The following OCSTAMP variants were observed in gnomAD, a reference collection of about 807,000 sequenced individuals.
The protein encoded by OCSTAMP is osteoclast stimulatory transmembrane protein.
In OCSTAMP, 17 loss-of-function variants were observed where a neutral mutation model predicts 25.2. The ratio of observed to expected loss-of-function variants is 0.68; its 90% CI spans 0.46 to 1.01. The LOEUF (loss-of-function observed/expected upper bound fraction) is 1.01, where lower values mean the gene tolerates loss of function less well. Ranked by LOEUF, OCSTAMP falls within the 50% of genes least tolerant of loss-of-function variation. The pLI is 0.00. For synonymous variants in OCSTAMP, 345 were observed against 318.9 expected, an observed-to-expected ratio of 1.08 and a Z score of -0.87; for missense variants, 664 against 694.6, an observed-to-expected ratio of 0.96 and a Z score of 0.50.
chr20:46,546,870 T>C (rs1483866749), intron 1 of OCSTAMP, among the ~76,000 whole-genome samples: 1 of 152,178 alleles, frequency 6.6e-6, no homozygotes, highest in East Asian at 1.9e-4. Flanking sequence ...CTATCATCCT[T>C]ATATTTATTC....
intron 2 of OCSTAMP, 88 bp downstream of exon 2, chr20:46,545,239 A>G: frequency 7.4e-7 from 1 of 1,359,486 alleles, no homozygotes. Flanking sequence ...GAGGCAAGTC[A>G]AATTTCATCA....
intron 1 of OCSTAMP, among the ~76,000 whole-genome samples, chr20:46,549,171 A>G (rs202372): frequency 0.1 from 15,327 of 152,194 alleles, 1,126 homozygotes; most frequent in East Asian, 0.27. Context: ...AGTCCTGACT[A>G]ATACAGAAAC....
In OCSTAMP at chr20:46,541,101, T is replaced by C. The variant is rs2146050274; in HGVS notation, c.*173A>G. On this transcript the variant is annotated 3_prime_UTR_variant, in exon 3 of 3. Coordinates refer to ENST00000279028, the MANE Select transcript of OCSTAMP (RefSeq NM_080721.3). ...TACTATAAATGAGTTTAGAGGATTT[T>C]GAGGCATATAAATAAGTTCCAGGAG... 1 of 590,394 alleles carries C rather than the reference T, an allele frequency of 1.7e-6. No homozygotes were observed. The highest frequency in any genetic ancestry group is 2.8e-5 in the East Asian group (1 of 36,180). 36.6% of individuals were successfully genotyped at this position (590,394 alleles called of 1,614,324 possible). A position where few individuals can be genotyped will look rare whatever the true frequency, so the allele number is the denominator to read the frequency against.
At chr20:46,545,259 G>T in intron 2 of OCSTAMP, 68 bp downstream of exon 2, 1 of 1,395,194 alleles carries the variant, frequency 7.2e-7, no homozygotes, top group Non-Finnish European at 9.4e-7. Flanking sequence ...ACAAGTCAAG[G>T]GTTTAACAGA....
In OCSTAMP at chr20:46,545,734, G is replaced by A. The variant is rs1189228290; in HGVS notation, c.640C>T (p.Leu214=). ...TQQVLEDFSG[L]ESLARAAALG... is the part of the protein sequence containing the mutation. ...GCTGCTGCCCGGGCCAGGGACTCCA[G>A]GCCAGAGAAATCCTCCAGGACCTGC... is the stretch of plus-strand genomic sequence containing the variant. Residue 214 remains leucine (L), a synonymous_variant, in exon 2 of 3, where the codon CTG becomes TTG. Transcript: ENST00000279028. 59 of 1,551,508 alleles carry A rather than the reference G, an allele frequency of 3.8e-5. No individual in the cohort carries two copies. The highest frequency in any genetic ancestry group is 5.1e-5 in the Non-Finnish European group (58 of 1,146,998).
Position 46,541,271 on chromosome 20 carries a change from C to G in OCSTAMP, c.*3G>C, listed in dbSNP as rs1182553101. 6.9e-6 allele frequency: 5 copies of G among 719,802 alleles called. No homozygotes were observed. The highest frequency in any genetic ancestry group is 1.0e-5 in the Non-Finnish European group (4 of 386,524). 44.6% of individuals were successfully genotyped at this position (719,802 alleles called of 1,614,324 possible). A position where few individuals can be genotyped will look rare whatever the true frequency, so the allele number is the denominator to read the frequency against. ...TCTTCGCCTTTGCATGGTTCTTTAC[C>G]GGTTATCCAGGCCTATCATGCCCAG... On this transcript the variant is annotated 3_prime_UTR_variant, in exon 3 of 3. Transcript: ENST00000279028.
intron 2 of OCSTAMP, among the ~76,000 whole-genome samples, chr20:46,543,734 T>G (rs2061842787): frequency 6.6e-6 from 1 of 152,234 alleles, no homozygotes; most frequent in Non-Finnish European, 1.5e-5. Flanking sequence ...ATAAAAATTC[T>G]AAATGATAAG....
Position 46,545,988 on chromosome 20 carries a change from G to A in OCSTAMP, c.386C>T (p.Thr129Ile), listed in dbSNP as rs2061850872. The part of the protein sequence containing the change: ...RRLLLSYSTA[T>I]LAIAVVPNVL... Reference sequence around the variant, plus strand: ...GTTGGGCACCACAGCAATGGCCAGGGTGGCAGTGCTGTAGGACAGGAGCAG... The same window carrying A: ...GTTGGGCACCACAGCAATGGCCAGGATGGCAGTGCTGTAGGACAGGAGCAG... The change falls in exon 2 of 3, where the codon ACC becomes ATC. Residue 129 changes from threonine (T) to isoleucine (I), a missense_variant. Thr to Ile is a moderately conservative substitution (Grantham distance 89). Coordinates refer to ENST00000279028, the MANE Select transcript of OCSTAMP (RefSeq NM_080721.3). 1 of 1,551,402 alleles carries A rather than the reference G, an allele frequency of 6.4e-7. No individual in the cohort carries two copies. The highest frequency in any genetic ancestry group is 8.7e-7 in the Non-Finnish European group (1 of 1,146,996).
rs41283036 is a variant in OCSTAMP, at chr20:46,541,318, C to T, written c.1657G>A (p.Val553Met). Reference protein sequence around the residue: ...IDVTYFPRRDVVRMEGNTGHD... With the variant: ...IDVTYFPRRDMVRMEGNTGHD... ...CCAGTATTTCCTTCCATCCTGACCA[C>T]ATCCCTGCGTGGGAAGTAGGTCACA... Residue 553 changes from valine (V) to methionine (M), a missense_variant, in exon 3 of 3, where the codon GTG (valine) becomes ATG (methionine). By Grantham distance (21) the Val-to-Met change is conservative. Transcript: ENST00000279028. 4,043 of 735,696 alleles carry T rather than the reference C, an allele frequency of 5.5e-3. 30 individuals are homozygous for T. The highest frequency in any genetic ancestry group is 0.017 in the South Asian group (1,179 of 67,912). The allele number at this position is 735,696 out of a possible 1,614,324, so 45.6% of individuals were successfully genotyped here. A position where few individuals can be genotyped will look rare whatever the true frequency, so the allele number is the denominator to read the frequency against.
At position 46,545,594 on chromosome 20, in the gene OCSTAMP, A is replaced by G. The variant is rs894931221; in HGVS notation, c.780T>C (p.Thr260=). 1 of 1,551,532 alleles carries G rather than the reference A, an allele frequency of 6.4e-7. No individual in the cohort carries two copies. Among genetic ancestry groups the G allele is most frequent in the Admixed American group, 2.0e-5 (1 of 50,978 alleles). The change falls in exon 2 of 3, where the codon ACT becomes ACC. Residue 260 remains threonine (T), a synonymous_variant. Transcript: ENST00000279028. Reference sequence around the variant, plus strand: ...GTGCCAACCGCTGGGTCAGCTGTTGAGTGGCGTAGATATTGTCAAACCGCA... The same window carrying G: ...GTGCCAACCGCTGGGTCAGCTGTTGGGTGGCGTAGATATTGTCAAACCGCA... ...TDLRFDNIYA[T]QQLTQRLAQA...
rs745465468 is a variant in OCSTAMP at position 46,545,849 on chromosome 20, G to A, written c.525C>T (p.Gly175=). 53 of 1,551,188 alleles carry A rather than the reference G, an allele frequency of 3.4e-5. No homozygotes were observed. The African/African-American group carries it at 5.9e-4, about 17-fold the overall frequency. The change falls in exon 2 of 3, where the codon GGC becomes GGT. Residue 175 remains glycine (G), a synonymous_variant. Transcript: ENST00000279028. ...HQLHAASRAL[G]PTGQAGSRGL... ...CCCGGCTGCCTGCCTGGCCTGTGGG[G>A]CCCAGAGCCCTGGATGCTGCATGCA...
chr20:46,547,800 G>A (rs1047145966), intron 1 of OCSTAMP, among the ~76,000 whole-genome samples: 2 of 152,196 alleles, frequency 1.3e-5, no homozygotes, highest in African/African-American at 4.8e-5. Flanking sequence ...GCAGTGGCTG[G>A]TAGCTATGGG....
intron 1 of OCSTAMP, among the ~76,000 whole-genome samples, 154 bp downstream of exon 1, chr20:46,550,363 A>G (rs1365005161): frequency 1.3e-5 from 2 of 152,186 alleles, no homozygotes; most frequent in African/African-American, 4.8e-5. Context: ...CATTTCACAG[A>G]TGGGGAACTG....
chr20:46,549,152 A>G (rs2061862368), intron 1 of OCSTAMP, among the ~76,000 whole-genome samples: 1 of 152,320 alleles, frequency 6.6e-6, no homozygotes, highest in East Asian at 1.9e-4. Context: ...TGTCACTTGC[A>G]ACTCAATGAG....
chr20:46,546,539 G>C (rs1035121230), intron 1 of OCSTAMP, among the ~76,000 whole-genome samples: 2 of 152,180 alleles, frequency 1.3e-5, no homozygotes, highest in African/African-American at 4.8e-5. Context: ...ACTCTCGCTG[G>C]AACTGTCAGG....
chr20:46,541,405 A>C lies in OCSTAMP; in HGVS notation c.1570T>G (p.Ser524Ala). The C allele has an allele frequency of 8.3e-7, 1 of 1,202,998 alleles. No homozygotes were observed. Among genetic ancestry groups the C allele is most frequent in the Non-Finnish European group, 1.2e-6 (1 of 828,928 alleles). The allele number at this position is 1,202,998 out of a possible 1,614,324, so 74.5% of individuals were successfully genotyped here. Residue 524 changes from serine (S) to alanine (A), a missense_variant, in exon 3 of 3, where the codon TCA becomes GCA. Coordinates refer to ENST00000279028, the MANE Select transcript of OCSTAMP (RefSeq NM_080721.3). Reference protein sequence around the residue: ...VPPPCVTLGKSLHLSEPRFLH... With the variant: ...VPPPCVTLGKALHLSEPRFLH... The stretch of plus-strand genomic sequence containing the variant: ...AACCGAGGCTCAGAGAGGTGAAGTG[A>C]CTTACCCAAGGTCACACAGGGAGGC...
At chr20:46,545,232 G>T in intron 2 of OCSTAMP, 95 bp downstream of exon 2, 2 of 1,308,900 alleles carry the variant, frequency 1.5e-6, no homozygotes, top group Non-Finnish European at 2.0e-6. Context: ...TTTCTTGGAG[G>T]CAAGTCAAAT....
rs847079 is a variant in OCSTAMP at position 46,541,282 on chromosome 20, G to A, written c.1693C>T (p.Pro565Ser). 627 of 721,564 alleles carry A rather than the reference G, an allele frequency of 8.7e-4. 2 individuals carry two copies. The African/African-American group carries it at 0.01, about 12-fold the overall frequency. The allele number at this position is 721,564 out of a possible 1,614,324, so 44.7% of individuals were successfully genotyped here. A position where few individuals can be genotyped will look rare whatever the true frequency, so the allele number is the denominator to read the frequency against. Reference protein sequence around the residue: ...RMEGNTGHDRPG With the variant: ...RMEGNTGHDRSG ...GCATGGTTCTTTACCGGTTATCCAGGCCTATCATGCCCAGTATTTCCTTCC... is the reference window on the plus strand; with the variant it reads ...GCATGGTTCTTTACCGGTTATCCAGACCTATCATGCCCAGTATTTCCTTCC... The change falls in exon 3 of 3, where the codon CCT (proline) becomes TCT (serine). Residue 565 changes from proline (P) to serine (S), a missense_variant. Physicochemically the swap from Pro to Ser is moderately conservative, Grantham distance 74. Coordinates refer to ENST00000279028, the MANE Select transcript of OCSTAMP (RefSeq NM_080721.3).
In OCSTAMP at chr20:46,546,332, G is replaced by T. The variant is rs2061852801; in HGVS notation, c.45-3C>A. On this transcript the variant is annotated splice_region_variant and splice_polypyrimidine_tract_variant and intron_variant, in intron 1 of 2. Transcript: ENST00000279028. ...ACCCCAAGTGCCAGGACCTCCACCT[G>T]CACACAAGGAAATTGAAGGGCATCT... 1 of 1,543,464 alleles carries T rather than the reference G, an allele frequency of 6.5e-7. No homozygotes were observed. The highest frequency in any genetic ancestry group is 2.0e-5 in the Admixed American group (1 of 50,778).
Sources: gnomAD v4.1 joint callset for allele counts (sites outside exome capture counted in the v4.1 genomes callset) on GRCh38, gnomAD v4.1.1 for gene constraint, MANE v1.5 for transcripts, NCBI Gene and HGNC (gene_info 2026-07-23, HGNC 2026-07-21) for gene names.